Variants in CNGB3 observed in about 807,000 individuals in gnomAD.
CNGB3 encodes cyclic nucleotide gated channel subunit beta 3, also known as cyclic nucleotide-gated channel beta-3.
CNGB3 carries 86 observed loss-of-function variants against 92.8 expected under a neutral mutation model. The observed-to-expected ratio is 0.93, with a 90% CI of 0.78 to 1.11. The LOEUF is 1.11. Ranked by LOEUF, CNGB3 falls within the 50% of genes least tolerant of loss-of-function variation. The probability of loss-of-function intolerance (pLI) is 0.00; values close to 1 mark genes in which losing one functional copy is unlikely to be tolerated. For missense variants in CNGB3, 1,026 were observed against 956.8 expected (o/e 1.07, Z -0.95); for synonymous variants, 333 against 332.7 (o/e 1.00, Z -0.01).
chr8:86,700,966 C>T (rs764283424), intron 3 of CNGB3, among the ~76,000 whole-genome samples: 38 of 152,036 alleles, frequency 2.5e-4, no homozygotes, highest in Non-Finnish European at 2.2e-4. Context: ...GAATCATTCC[C>T]AATCTTAATA....
rs368991290 is a variant in CNGB3, at chr8:86,692,547, C to T, written c.339-21449G>A. Among the ~76,000 whole-genome samples the T allele has an allele frequency of 1.3e-3, 191 of 152,248 alleles. 2 individuals are homozygous for T. The highest frequency in any genetic ancestry group is 2.4e-3 in the Non-Finnish European group (165 of 68,018). ...TTTGTCTGTTAGAATAACAGCTACT[C>T]CTGGTTGCCTTTGTTGCCCATTTGC... On this transcript the variant is annotated intron_variant, in intron 3 of 17. Transcript: ENST00000320005.
At chr8:86,593,646 G>C (rs997801325) in intron 15 of CNGB3, 2 of 517,312 alleles carry the variant, frequency 3.9e-6, no homozygotes, top group Non-Finnish European at 7.1e-6. Flanking sequence ...GTTCCCCACT[G>C]AGGTGGACCC....
intron 15 of CNGB3, among the ~76,000 whole-genome samples, chr8:86,585,479 C>A (rs1202223515): frequency 1.3e-5 from 2 of 152,008 alleles, no homozygotes; most frequent in East Asian, 3.9e-4. Context: ...CAGTGTACAA[C>A]CTGCACAGCT....
rs191988446 is a variant in CNGB3 at position 86,630,028 on chromosome 8, G to A, written c.1321-950C>T. Among the ~76,000 whole-genome samples the A allele has an allele frequency of 7.4e-4, 113 of 152,242 alleles. 1 individual carries two copies. In the South Asian group the frequency reaches 0.012, roughly 16 times the overall value. Reference sequence around the variant, plus strand: ...TTATGGAAAAACGACTCATTCTTTGGAGTCTAGCTCAAATGGCTCTTTTTA... The same window carrying A: ...TTATGGAAAAACGACTCATTCTTTGAAGTCTAGCTCAAATGGCTCTTTTTA... On this transcript the variant is annotated intron_variant, in intron 11 of 17. Coordinates refer to ENST00000320005, the MANE Select transcript of CNGB3 (RefSeq NM_019098.5).
intron 13 of CNGB3, among the ~76,000 whole-genome samples, chr8:86,619,357 G>C (rs1822681439): frequency 6.6e-6 from 1 of 152,098 alleles, no homozygotes; most frequent in South Asian, 2.1e-4. Context: ...GAAATGAATC[G>C]CTGCTTATTA....
chr8:86,613,629 C>T (rs1207476372), intron 13 of CNGB3, among the ~76,000 whole-genome samples: 1 of 151,994 alleles, frequency 6.6e-6, no homozygotes, highest in Non-Finnish European at 1.5e-5. Flanking sequence ...TGTAAATGAT[C>T]AGAAATAGAA....
intron 15 of CNGB3, among the ~76,000 whole-genome samples, chr8:86,600,473 T>C (rs1822270020): frequency 6.6e-6 from 1 of 152,200 alleles, no homozygotes; most frequent in South Asian, 2.1e-4. Context: ...AAGTACTTAA[T>C]TAATTAAAAA....
chr8:86,662,380 T>A (rs969642888), intron 6 of CNGB3, among the ~76,000 whole-genome samples: 3 of 152,228 alleles, frequency 2.0e-5, no homozygotes, highest in Non-Finnish European at 4.4e-5. Context: ...GTGAATCGAA[T>A]ACTGTCCCTA....
At chr8:86,704,451 T>C (rs1238547504) in intron 3 of CNGB3, 3 of 152,190 alleles carry the variant, frequency 2.0e-5, no homozygotes, top group Non-Finnish European at 4.4e-5. Context: ...GAAGAAAAAT[T>C]CATTAGACTG....
At position 86,667,106 on chromosome 8, in the gene CNGB3, A is replaced by G; in HGVS notation, c.671T>C (p.Leu224Pro). 6.2e-7 allele frequency: 1 copy of G among 1,614,138 alleles called. No homozygotes were observed. Among genetic ancestry groups the G allele is most frequent in the Middle Eastern group, 1.7e-4 (1 of 6,056 alleles). Residue 224 changes from leucine to proline, a missense_variant, in exon 6 of 18, where the codon CTT becomes CCT. Coordinates refer to ENST00000320005, the MANE Select transcript of CNGB3 (RefSeq NM_019098.5). ...GTTCCAGTTATAGGCAAGAGTGACA[A>G]GCAAGAGCCACAGGAGATAGAGTCG... ...TDRLYLLWLL[L>P]VTLAYNWNCC...
intron 4 of CNGB3, among the ~76,000 whole-genome samples, 177 bp downstream of exon 4, chr8:86,670,767 G>T (rs1823842861): frequency 6.6e-6 from 1 of 152,028 alleles, no homozygotes; most frequent in African/African-American, 2.4e-5. Flanking sequence ...CATCTGTACT[G>T]TCTTAACTTT....
intron 13 of CNGB3, among the ~76,000 whole-genome samples, chr8:86,623,597 C>T (rs1488163669): frequency 6.6e-6 from 1 of 152,156 alleles, no homozygotes; most frequent in Non-Finnish European, 1.5e-5. Context: ...ACCCTCAAGA[C>T]TCAATCACTT....
At chr8:86,723,599 GC>G (rs1825010947) in intron 3 of CNGB3, among the ~76,000 whole-genome samples, 1 of 152,128 alleles carries the variant, frequency 6.6e-6, no homozygotes, top group South Asian at 2.1e-4. Context: ...GGAACAGAAA[GC>G]TTTGGTCAGT....
At position 86,666,664 on chromosome 8, in the gene CNGB3, A is replaced by G. The variant is rs531894261; in HGVS notation, c.852+261T>C. 3.9e-5 allele frequency among the ~76,000 whole-genome samples: 6 copies of G among 152,336 alleles called. 1 individual carries two copies. The highest frequency in any genetic ancestry group is 2.1e-4 in the South Asian group (1 of 4,822). On this transcript the variant is annotated intron_variant, in intron 6 of 17. Transcript: ENST00000320005. The stretch of plus-strand genomic sequence containing the variant: ...AGGCCTCAACTTATTTAATCTTTCC[A>G]TCAATATTATGATGGTGTTTTTGTT...
chr8:86,645,467 T>C (rs73271592), intron 8 of CNGB3, among the ~76,000 whole-genome samples: 1,575 of 151,246 alleles, frequency 0.01, 24 homozygotes, highest in African/African-American at 0.036. Flanking sequence ...TCCTCATCTG[T>C]AAAATGAGAT....
At chr8:86,636,528 G>T (rs960183086) in intron 10 of CNGB3, among the ~76,000 whole-genome samples, 1 of 133,620 alleles carries the variant, frequency 7.5e-6, no homozygotes, top group African/African-American at 2.8e-5. Context: ...AGCTGAGATG[G>T]TGCCACTGCA....
intron 3 of CNGB3, chr8:86,703,841 G>A (rs926592331): frequency 2.6e-5 from 4 of 152,056 alleles, no homozygotes; most frequent in Non-Finnish European, 4.4e-5. Context: ...GTGATTATAA[G>A]TCATTTTTAC....
intron 13 of CNGB3, among the ~76,000 whole-genome samples, chr8:86,622,769 C>T (rs987887228): frequency 6.6e-5 from 10 of 152,150 alleles, no homozygotes; most frequent in African/African-American, 1.7e-4. Flanking sequence ...TGCTTGTTGA[C>T]GTTAATCTTG....
chr8:86,684,353 G>A (rs1278418842), intron 3 of CNGB3, among the ~76,000 whole-genome samples: 3 of 152,052 alleles, frequency 2.0e-5, no homozygotes, highest in Admixed American at 6.6e-5. Context: ...ACCAAATGCT[G>A]GCAAGCCTGG....
Sources: gnomAD v4.1 joint callset for allele counts (sites outside exome capture counted in the v4.1 genomes callset) on GRCh38, gnomAD v4.1.1 for gene constraint, MANE v1.5 for transcripts, NCBI Gene and HGNC (gene_info 2026-07-23, HGNC 2026-07-21) for gene names.